Variants in ARL16 observed in about 807,000 individuals in gnomAD.
The protein encoded by ARL16 is ARF like GTPase 16, also known as ADP-ribosylation factor-like protein 16.
ARL16 carries 21 observed loss-of-function variants against 14.1 expected under a neutral mutation model. The observed-to-expected ratio is 1.48, with a 90% CI of 1.05 to 2.14. The LOEUF (loss-of-function observed/expected upper bound fraction) is 2.14. Ranked by LOEUF, ARL16 falls within the 30% of genes most tolerant of loss-of-function variation. The pLI, the probability that ARL16 is intolerant of heterozygous loss-of-function variation, is 0.00. For synonymous variants in ARL16, 122 were observed against 91.8 expected (o/e 1.33, Z -1.88); for missense variants, 248 against 222.0 (o/e 1.12, Z -0.74).
In ARL16 at chr17:81,681,831, C is replaced by G. The variant is rs779680339; in HGVS notation, c.399G>C (p.Arg133Ser). The change falls in exon 5 of 5, where the codon AGG becomes AGC. Residue 133 changes from arginine (R) to serine (S), a missense_variant. Physicochemically the swap from Arg to Ser is moderately radical, Grantham distance 110 (BLOSUM62 -1). Transcript: ENST00000622299. ...TGGCACAAGCAATGATGTCTGGAAGCCTGATTAATGACTTCATCTCCTCCG... is the reference window on the plus strand; with the variant it reads ...TGGCACAAGCAATGATGTCTGGAAGGCTGATTAATGACTTCATCTCCTCCG... Reference protein sequence around the residue: ...MSTEEMKSLIRLPDIIACAKQ... With the variant: ...MSTEEMKSLISLPDIIACAKQ... The G allele has an allele frequency of 1.4e-5, 23 of 1,613,044 alleles. No individual in the cohort carries two copies. Among genetic ancestry groups the G allele is most frequent in the Non-Finnish European group, 8.5e-7 (1 of 1,179,820 alleles).
In ARL16 at chr17:81,681,858, G is replaced by A; in HGVS notation, c.372C>T (p.Ser124=). 1 of 1,612,828 alleles carries A rather than the reference G, an allele frequency of 6.2e-7. No homozygotes were observed. The highest frequency in any genetic ancestry group is 8.5e-7 in the Non-Finnish European group (1 of 1,179,720). The change falls in exon 5 of 5, where the codon TCC becomes TCT. Residue 124 remains serine, a synonymous_variant. Coordinates refer to ENST00000622299, the MANE Select transcript of ARL16 (RefSeq NM_001040025.3). ...FNKIDLPCYM[S]TEEMKSLIRL... ...TGATTAATGACTTCATCTCCTCCGTGGACATGTAACAGGGTAGGTCGCTGG... is the reference window on the plus strand; with the variant it reads ...TGATTAATGACTTCATCTCCTCCGTAGACATGTAACAGGGTAGGTCGCTGG...
intron 2 of ARL16, 62 bp downstream of exon 2, chr17:81,683,474 G>C (rs1044221139): frequency 4.4e-5 from 64 of 1,467,014 alleles, no homozygotes; most frequent in Non-Finnish European, 5.7e-5. Flanking sequence ...GAGGAGCCCG[G>C]AGCTCTTCGC....
At chr17:81,682,761 G>C (rs543803102) in intron 3 of ARL16, 12 of 542,760 alleles carry the variant, frequency 2.2e-5, no homozygotes, top group Non-Finnish European at 3.6e-5. Flanking sequence ...GGCCAAGTCT[G>C]TTCTCTGCGG....
In ARL16 at chr17:81,682,889, C is replaced by T. The variant is rs775663383; in HGVS notation, c.234+124G>A. 5.7e-6 allele frequency: 5 copies of T among 873,892 alleles called. No individual in the cohort carries two copies. The East Asian group carries it at 7.5e-5, about 13-fold the overall frequency. The allele number at this position is 873,892 out of a possible 1,614,324, so 54.1% of individuals were successfully genotyped here. A position where few individuals can be genotyped will look rare whatever the true frequency, so the allele number is the denominator to read the frequency against. ...AAGCAACACTAGCTAAGACCTATTTCCATGAGTAGTATAGTCACTAAATAA... is the reference window on the plus strand; with the variant it reads ...AAGCAACACTAGCTAAGACCTATTTTCATGAGTAGTATAGTCACTAAATAA... On this transcript the variant is annotated intron_variant, in intron 3 of 4. Transcript: ENST00000622299.
In ARL16 at chr17:81,681,562, A is replaced by G; in HGVS notation, c.*146T>C. The G allele has an allele frequency of 1.0e-6, 1 of 990,726 alleles. No individual in the cohort carries two copies. The highest frequency in any genetic ancestry group is 1.4e-6 in the Non-Finnish European group (1 of 699,490). The allele number at this position is 990,726 out of a possible 1,614,324, so 61.4% of individuals were successfully genotyped here. A position where few individuals can be genotyped will look rare whatever the true frequency, so the allele number is the denominator to read the frequency against. ...TCCATCTCCACATGCCTCAGTTTAC[A>G]CATCATTGCATCTCAGCACAGAGCC... On this transcript the variant is annotated 3_prime_UTR_variant, in exon 5 of 5. Transcript: ENST00000622299.
chr17:81,683,152 AG>A, intron 2 of ARL16, 26 bp from the exon 3 acceptor site: 1 of 1,586,148 alleles, frequency 6.3e-7, no homozygotes, highest in East Asian at 2.2e-5. Context: ...CGATGCAAAA[AG>A]AACAATACAA....
At chr17:81,683,356 G>A in intron 2 of ARL16, 180 bp downstream of exon 2, 1 of 934,242 alleles carries the variant, frequency 1.1e-6, no homozygotes, top group Non-Finnish European at 1.6e-6. Context: ...CGTGGAGGGC[G>A]GCAGGCCCCC....
chr17:81,682,218 TG>T, intron 3 of ARL16, 69 bp from the exon 4 acceptor site: 1 of 1,201,064 alleles, frequency 8.3e-7, no homozygotes, highest in Non-Finnish European at 1.2e-6. Context: ...CTCACAGACC[TG>T]GCACTGGGAG....
Position 81,683,523 on chromosome 17 carries a change from G to A in ARL16, c.120+13C>T, listed in dbSNP as rs1204507380. 4.5e-6 allele frequency: 7 copies of A among 1,567,830 alleles called. No homozygotes were observed. Among genetic ancestry groups the A allele is most frequent in the African/African-American group, 2.7e-5 (2 of 73,548 alleles). The stretch of plus-strand genomic sequence containing the variant: ...GACCCCCCGCAACTCCACCCGCGGG[G>A]GCGGACACCTACCGTGGGCCGTGTC... On this transcript the variant is annotated intron_variant, in intron 2 of 4. Coordinates refer to ENST00000622299, the MANE Select transcript of ARL16 (RefSeq NM_001040025.3).
At chr17:81,682,940 A>G (rs2036881109) in intron 3 of ARL16, 73 bp downstream of exon 3, 1 of 1,331,650 alleles carries the variant, frequency 7.5e-7, no homozygotes, top group Non-Finnish European at 1.1e-6. Flanking sequence ...ACACACAGCA[A>G]GGTTGGGGAC....
chr17:81,681,924 C>A (rs778339524), intron 4 of ARL16, 45 bp from the exon 5 acceptor site: 2 of 1,582,922 alleles, frequency 1.3e-6, no homozygotes, highest in Admixed American at 1.8e-5. Flanking sequence ...CAGCCACACA[C>A]CTGCCCCGGA....
At position 81,682,123 on chromosome 17, in the gene ARL16, G is replaced by A. The variant is rs763245719; in HGVS notation, c.261C>T (p.Thr87=). ...LLFVMDASDP[T]QLSASCVQLL... The stretch of plus-strand genomic sequence containing the variant: ...GCTGCACACAGGATGCAGAGAGCTG[G>A]GTGGGGTCAGAGGCGTCCATCACAA... Residue 87 remains threonine (T), a synonymous_variant, in exon 4 of 5, where the codon ACC becomes ACT. Transcript: ENST00000622299. The A allele has an allele frequency of 6.2e-7, 1 of 1,611,972 alleles. No individual in the cohort carries two copies. The highest frequency in any genetic ancestry group is 8.5e-7 in the Non-Finnish European group (1 of 1,179,266).
chr17:81,683,682 C>T lies in ARL16; in HGVS notation c.61+11G>A, dbSNP rs959925790. On this transcript the variant is annotated intron_variant, in intron 1 of 4. Transcript: ENST00000622299. ...CCCGCGCCCCGGTCCCGTCCCCGCGCGGAAGGATATCCTGCAGCCGTTTCA... is the reference window on the plus strand; with the variant it reads ...CCCGCGCCCCGGTCCCGTCCCCGCGTGGAAGGATATCCTGCAGCCGTTTCA... 1.9e-6 allele frequency: 3 copies of T among 1,599,244 alleles called. No homozygotes were observed. The highest frequency in any genetic ancestry group is 2.7e-5 in the African/African-American group (2 of 73,360).
rs1568208328 is a variant in ARL16 at position 81,683,015 on chromosome 17, G to A, written c.232C>T (p.Leu78=). The A allele has an allele frequency of 1.9e-6, 3 of 1,613,146 alleles. No homozygotes were observed. Among genetic ancestry groups the A allele is most frequent in the Non-Finnish European group, 2.5e-6 (3 of 1,179,378 alleles). The change falls in exon 3 of 5, where the codon CTG becomes TTG. Residue 78 remains leucine, a splice_region_variant and synonymous_variant. Coordinates refer to ENST00000622299, the MANE Select transcript of ARL16 (RefSeq NM_001040025.3). ...SSYYGNCRSL[L]FVMDASDPTQ... is the part of the protein sequence containing the mutation. Reference sequence around the variant, plus strand: ...GCCCATATAGGATTACAACCCACCAGGAGAGAACGGCAGTTTCCATAGTAA... The same window carrying A: ...GCCCATATAGGATTACAACCCACCAAGAGAGAACGGCAGTTTCCATAGTAA...
Position 81,683,780 on chromosome 17 carries a change from G to A in ARL16, c.-27C>T. On this transcript the variant is annotated 5_prime_UTR_variant, in exon 1 of 5. The change creates a new upstream start codon in the 5' untranslated region. Coordinates refer to ENST00000622299, the MANE Select transcript of ARL16 (RefSeq NM_001040025.3). ...CCGTGCTTCGCTCCACCCGGCACCC[G>A]TAGCTCGGCGCCGCGGCTCAAGGCC... 1 of 1,606,100 alleles carries A rather than the reference G, an allele frequency of 6.2e-7. No individual in the cohort carries two copies. The highest frequency in any genetic ancestry group is 8.5e-7 in the Non-Finnish European group (1 of 1,179,466).
At chr17:81,683,662 G>T in intron 1 of ARL16, 31 bp downstream of exon 1, 1 of 1,593,746 alleles carries the variant, frequency 6.3e-7, no homozygotes, top group Non-Finnish European at 8.5e-7. Context: ...TGCCCCCCGC[G>T]CCCCGGTCCC....
intron 2 of ARL16, 163 bp downstream of exon 2, chr17:81,683,373 C>G (rs1473167800): frequency 9.5e-7 from 1 of 1,053,192 alleles, no homozygotes; most frequent in African/African-American, 1.6e-5. Flanking sequence ...CCCCTCATCC[C>G]GCGCCAATTA....
At position 81,682,024 on chromosome 17, in the gene ARL16, G is replaced by T; in HGVS notation, c.350+10C>A. On this transcript the variant is annotated intron_variant, in intron 4 of 4. Coordinates refer to ENST00000622299, the MANE Select transcript of ARL16 (RefSeq NM_001040025.3). The stretch of plus-strand genomic sequence containing the variant: ...CCCGCTGTGCTCCCTCTCAGCTCAG[G>T]GACGCGTACATTTTATTGAAGAGTA... The T allele has an allele frequency of 1.9e-6, 3 of 1,601,396 alleles. No homozygotes were observed. In the Admixed American group the frequency reaches 5.1e-5, roughly 27 times the overall value.
chr17:81,683,161 C>T (rs902885265), intron 2 of ARL16, 35 bp from the exon 3 acceptor site: 1 of 1,571,602 alleles, frequency 6.4e-7, no homozygotes, highest in African/African-American at 1.4e-5. Context: ...AAGAACAATA[C>T]AACCGCTGTC....
Sources: allele counts gnomAD v4.1 joint callset, GRCh38; gene constraint gnomAD v4.1.1; transcripts MANE v1.5; gene names NCBI Gene and HGNC (gene_info 2026-07-23, HGNC 2026-07-21).